Variants in EBF2 observed in about 807,000 individuals in gnomAD.
EBF2 encodes transcription factor COE2.
In EBF2, 21 loss-of-function variants were observed where a neutral mutation model predicts 72.8. That is an observed-to-expected ratio of 0.29 (90% CI 0.20 to 0.42). The LOEUF (loss-of-function observed/expected upper bound fraction) is 0.42. EBF2 is among the 10% of genes least tolerant of loss of function. The pLI is 1.00. For synonymous variants in EBF2, 299 were observed against 274.2 expected (o/e 1.09, Z -0.89); for missense variants, 637 against 731.2 (o/e 0.87, Z 1.49).
chr8:26,011,736 T>C (rs1011718463), intron 6 of EBF2, among the ~76,000 whole-genome samples: 3 of 152,172 alleles, frequency 2.0e-5, no homozygotes, highest in African/African-American at 7.2e-5. Context: ...TACCGCTCTG[T>C]GGTGCCCCTC....
chr8:26,040,189 C>T lies in EBF2; in HGVS notation c.409-88G>A, dbSNP rs940283372. On this transcript the variant is annotated intron_variant, in intron 4 of 15. Transcript: ENST00000520164. ...GGACTTCAGAACAAGCACAACATCG[C>T]TTTCCCTCCCACTACCTGCCACCGC... 43 of 1,392,038 alleles carry T rather than the reference C, an allele frequency of 3.1e-5. No homozygotes were observed. In the African/African-American group the frequency reaches 5.1e-4, roughly 16 times the overall value. 86.2% of individuals were successfully genotyped at this position (1,392,038 alleles called of 1,614,324 possible).
At chr8:25,985,110 G>C (rs1346684888) in intron 6 of EBF2, among the ~76,000 whole-genome samples, 1 of 152,172 alleles carries the variant, frequency 6.6e-6, no homozygotes, top group Non-Finnish European at 1.5e-5. Flanking sequence ...CAACCAGGAA[G>C]AACCCTACCA....
At chr8:26,041,042 C>G (rs746447555) in intron 2 of EBF2, 40 bp from the exon 3 acceptor site, 1 of 1,608,828 alleles carries the variant, frequency 6.2e-7, no homozygotes, top group South Asian at 1.1e-5. Flanking sequence ...TGCCTTTCAG[C>G]CCCCCAAAAT....
chr8:26,005,221 AAT>A (rs1804820375), intron 6 of EBF2, among the ~76,000 whole-genome samples: 1 of 110,626 alleles, frequency 9.0e-6, no homozygotes, highest in African/African-American at 3.5e-5. Flanking sequence ...ATATATATAG[AAT>A]ATATCTATAT....
At chr8:26,037,713 A>G (rs546978303) in intron 5 of EBF2, among the ~76,000 whole-genome samples, 1 of 152,220 alleles carries the variant, frequency 6.6e-6, no homozygotes, top group Non-Finnish European at 1.5e-5. Flanking sequence ...TTGAGGGCTC[A>G]GGGGTGGCTG....
At chr8:25,906,945 A>G (rs1803043466) in intron 7 of EBF2, among the ~76,000 whole-genome samples, 1 of 151,372 alleles carries the variant, frequency 6.6e-6, no homozygotes, top group Non-Finnish European at 1.5e-5. Flanking sequence ...TACTACTACT[A>G]GTTTTTTTTT....
rs1467196583 is a variant in EBF2 at position 25,873,850 on chromosome 8, A to G, written c.1010-11053T>C. 2.6e-5 allele frequency among the ~76,000 whole-genome samples: 4 copies of G among 152,210 alleles called. No individual in the cohort carries two copies. The East Asian group carries it at 7.7e-4, about 29-fold the overall frequency. ...CTTGCTCTCTGTAATGTGTATTTAG[A>G]ATATTATAGCCGAGTGTGCCAATCC... On this transcript the variant is annotated intron_variant, in intron 10 of 15. Coordinates refer to ENST00000520164, the MANE Select transcript of EBF2 (RefSeq NM_022659.4).
chr8:25,851,509 C>A (rs1487266012), intron 14 of EBF2, among the ~76,000 whole-genome samples: 1 of 151,980 alleles, frequency 6.6e-6, no homozygotes, highest in Non-Finnish European at 1.5e-5. Flanking sequence ...ATGAAGTACC[C>A]CACCTCTTAA....
intron 14 of EBF2, among the ~76,000 whole-genome samples, chr8:25,856,894 C>T (rs1286169146): frequency 6.6e-6 from 1 of 152,188 alleles, no homozygotes; most frequent in African/African-American, 2.4e-5. Context: ...CTTGAATAGA[C>T]CAAATGATAT....
At chr8:25,974,757 C>T (rs1474162733) in intron 6 of EBF2, among the ~76,000 whole-genome samples, 3 of 152,134 alleles carry the variant, frequency 2.0e-5, no homozygotes, top group African/African-American at 7.2e-5. Flanking sequence ...CCCCCCCATC[C>T]TACTGTAGCC....
chr8:25,901,197 G>A (rs1018759836), intron 7 of EBF2, among the ~76,000 whole-genome samples: 1 of 152,112 alleles, frequency 6.6e-6, no homozygotes, highest in Non-Finnish European at 1.5e-5. Context: ...ACGGGTGGGT[G>A]AATCACTTGA....
intron 6 of EBF2, chr8:26,032,831 A>T (rs1254349523): frequency 1.4e-4 from 69 of 505,434 alleles, no homozygotes; most frequent in Non-Finnish European, 3.6e-6. Flanking sequence ...CCTGCACCAC[A>T]CATACTACTT....
chr8:25,858,257 C>T, intron 14 of EBF2, 62 bp downstream of exon 14: 1 of 1,591,478 alleles, frequency 6.3e-7, no homozygotes, highest in Non-Finnish European at 8.6e-7. Flanking sequence ...TCCCAAAAGG[C>T]CCAATAGTAA....
chr8:25,887,018 G>T, intron 9 of EBF2, 137 bp from the exon 10 acceptor site: 1 of 814,658 alleles, frequency 1.2e-6, no homozygotes, highest in Admixed American at 3.2e-5. Flanking sequence ...AGTACTCCTA[G>T]CTCCAAATGC....
At chr8:25,947,083 G>A (rs1413553257) in intron 6 of EBF2, among the ~76,000 whole-genome samples, 1 of 152,178 alleles carries the variant, frequency 6.6e-6, no homozygotes. Flanking sequence ...CTGTCTCCCC[G>A]ATGCTCAACC....
intron 6 of EBF2, among the ~76,000 whole-genome samples, chr8:26,000,830 C>A (rs1357342225): frequency 6.6e-6 from 1 of 152,112 alleles, no homozygotes; most frequent in Non-Finnish European, 1.5e-5. Context: ...TCAACAGGCA[C>A]AACATAACCG....
chr8:26,033,610 G>C (rs1270573217), intron 5 of EBF2, among the ~76,000 whole-genome samples: 1 of 152,122 alleles, frequency 6.6e-6, no homozygotes, highest in African/African-American at 2.4e-5. Flanking sequence ...GTGCAGGGAG[G>C]GAGAGCCTCA....
chr8:25,978,876 A>G (rs1488658059), intron 6 of EBF2, among the ~76,000 whole-genome samples: 3 of 152,116 alleles, frequency 2.0e-5, no homozygotes, highest in Non-Finnish European at 4.4e-5. Context: ...GCATTATGAC[A>G]TGGAAGGTAA....
rs533069275 is a variant in EBF2, at chr8:25,845,844, CTAAGGAAT to C, written c.1697-1212_1697-1205del. 3.7e-3 allele frequency among the ~76,000 whole-genome samples: 570 copies of C among 152,294 alleles called. 6 individuals carry two copies. The highest frequency in any genetic ancestry group is 0.012 in the African/African-American group (507 of 41,546). ...TTGCATTTTACTATCTACAATGCATCTAAGGAATTATTCAATATAATAGAAGCATTTTG... is the reference window on the plus strand; with the variant it reads ...TTGCATTTTACTATCTACAATGCATCTATTCAATATAATAGAAGCATTTTG... On this transcript the variant is annotated intron_variant, in intron 15 of 15. Transcript: ENST00000520164.
Sources: allele counts gnomAD v4.1 joint callset (sites outside exome capture counted in the v4.1 genomes callset), GRCh38; gene constraint gnomAD v4.1.1; transcripts MANE v1.5; gene names NCBI Gene and HGNC (gene_info 2026-07-23, HGNC 2026-07-21).